The following QTMAN variants were observed in gnomAD, a reference collection of about 807,000 sequenced individuals.
QTMAN encodes the protein queuosine-tRNA mannosyltransferase.
the QTMAN span, among the ~76,000 whole-genome samples, chr2:144,039,539 C>A: frequency 1.4e-4 from 22 of 152,244 alleles, no homozygotes; most frequent in African/African-American, 5.1e-4. Flanking sequence ...CTTTGGTGAA[C>A]TATATTCTGT....
chr2:144,200,232 A>G, the QTMAN span, among the ~76,000 whole-genome samples: 2 of 152,178 alleles, frequency 1.3e-5, no homozygotes, highest in Non-Finnish European at 2.9e-5. Context: ...CATTAATTTA[A>G]AAAAAAGTTT....
the QTMAN span, among the ~76,000 whole-genome samples, chr2:144,075,690 T>C: frequency 6.6e-6 from 1 of 152,260 alleles, no homozygotes; most frequent in Non-Finnish European, 1.5e-5. Flanking sequence ...CATTTAATTC[T>C]ACTGCCAAAA....
chr2:144,237,970 G>A, the QTMAN span, among the ~76,000 whole-genome samples: 1 of 152,186 alleles, frequency 6.6e-6, no homozygotes, highest in East Asian at 1.9e-4. Context: ...ATGTGAGAGA[G>A]CCATTTTCTA....
At chr2:144,133,387 TATATATTATATAAATATA>T in the QTMAN span, among the ~76,000 whole-genome samples, 7 of 39,070 alleles carry the variant, frequency 1.8e-4, no homozygotes, top group Admixed American at 4.4e-4. Flanking sequence ...AATAATATAA[TATATATTATATAAATATA>T]ATATATTATA....
At chr2:144,146,201 CT>C in the QTMAN span, among the ~76,000 whole-genome samples, 2 of 148,490 alleles carry the variant, frequency 1.3e-5, no homozygotes, top group African/African-American at 5.0e-5. Flanking sequence ...ATGACATAAA[CT>C]CTTTTGATTT....
chr2:144,203,664 C>G, the QTMAN span, among the ~76,000 whole-genome samples: 5 of 152,174 alleles, frequency 3.3e-5, no homozygotes, highest in Non-Finnish European at 5.9e-5. Context: ...GTGTCTGGCC[C>G]TCCAGCCTCC....
At chr2:144,229,882 CAG>C in the QTMAN span, among the ~76,000 whole-genome samples, 4 of 152,068 alleles carry the variant, frequency 2.6e-5, no homozygotes, top group Non-Finnish European at 5.9e-5. Context: ...CTCTGTAAAA[CAG>C]AACAATGCTA....
chr2:144,122,844 A>AT, the QTMAN span, among the ~76,000 whole-genome samples: 1 of 152,178 alleles, frequency 6.6e-6, no homozygotes, highest in Non-Finnish European at 1.5e-5. Flanking sequence ...GGGCATAAAG[A>AT]TTTTTGAAAC....
At chr2:144,223,143 A>G in the QTMAN span, among the ~76,000 whole-genome samples, 1 of 152,308 alleles carries the variant, frequency 6.6e-6, no homozygotes, top group East Asian at 1.9e-4. Flanking sequence ...TTGTTTTCCA[A>G]CACAACCATT....
the QTMAN span, among the ~76,000 whole-genome samples, chr2:144,106,390 A>T: frequency 6.6e-6 from 1 of 152,236 alleles, no homozygotes; most frequent in South Asian, 2.1e-4. Context: ...ACATAGGCTC[A>T]AAATAAAGGG....
the QTMAN span, among the ~76,000 whole-genome samples, chr2:144,177,470 C>A: frequency 6.6e-6 from 1 of 151,932 alleles, no homozygotes; most frequent in African/African-American, 2.4e-5. Context: ...CATGCCTATA[C>A]GACAGCAAAG....
chr2:143,969,562 A>C, the QTMAN span, among the ~76,000 whole-genome samples: 1 of 152,144 alleles, frequency 6.6e-6, no homozygotes, highest in Non-Finnish European at 1.5e-5. Context: ...CATACGCGTG[A>C]AAGAGATGAA....
At chr2:143,998,627 C>T in the QTMAN span, among the ~76,000 whole-genome samples, 28 of 151,990 alleles carry the variant, frequency 1.8e-4, no homozygotes, top group Non-Finnish European at 3.2e-4. Context: ...TGTTTCAAAA[C>T]GACTTAACAC....
chr2:144,115,000 G>A, the QTMAN span, among the ~76,000 whole-genome samples: 2 of 152,060 alleles, frequency 1.3e-5, no homozygotes, highest in Non-Finnish European at 2.9e-5. Flanking sequence ...AGGTCAAGGT[G>A]GGTGGATCAC....
At chr2:144,253,586 C>T in the QTMAN span, among the ~76,000 whole-genome samples, 34 of 152,238 alleles carry the variant, frequency 2.2e-4, no homozygotes, top group East Asian at 5.8e-3. Flanking sequence ...GTAAAGTTCA[C>T]TCTTGCCATG....
At chr2:144,056,824 C>T in the QTMAN span, among the ~76,000 whole-genome samples, 1 of 152,144 alleles carries the variant, frequency 6.6e-6, no homozygotes, top group African/African-American at 2.4e-5. Context: ...AAAAAACAAG[C>T]CAAGTAAAAT....
At chr2:144,307,188 T>TAAAAAAAAAA in the QTMAN span, among the ~76,000 whole-genome samples, 2 of 81,266 alleles carry the variant, frequency 2.5e-5, no homozygotes, top group African/African-American at 4.6e-5. Context: ...AAAAAACAAT[T>TAAAAAAAAAA]AAAAAAAAAA....
At chr2:144,078,772 C>T in the QTMAN span, among the ~76,000 whole-genome samples, 1 of 152,094 alleles carries the variant, frequency 6.6e-6, no homozygotes, top group Non-Finnish European at 1.5e-5. Context: ...AAAATATTAT[C>T]TTGAAATAAT....
the QTMAN span, among the ~76,000 whole-genome samples, chr2:144,189,781 G>A: frequency 6.6e-6 from 1 of 151,910 alleles, no homozygotes; most frequent in Admixed American, 6.6e-5. Flanking sequence ...CACCAGGTCT[G>A]GCTAATTTTT....
Sources: gnomAD v4.1 joint callset for allele counts (sites outside exome capture counted in the v4.1 genomes callset) on GRCh38, gnomAD v4.1.1 for gene constraint, MANE v1.5 for transcripts, NCBI Gene and HGNC (gene_info 2026-07-23, HGNC 2026-07-21) for gene names.